Variants in SLC35F4 observed in about 807,000 individuals in gnomAD.
The protein encoded by SLC35F4 is chromosome 14 open reading frame 36.
SLC35F4 carries 24 observed loss-of-function variants against 44.2 expected under a neutral mutation model. The observed-to-expected ratio is 0.54, with a 90% confidence interval of 0.39 to 0.76. The LOEUF (loss-of-function observed/expected upper bound fraction) is 0.76. SLC35F4 is among the 30% of genes least tolerant of loss of function. The pLI is 0.00. For synonymous variants in SLC35F4, 238 were observed against 223.6 expected (o/e 1.06, Z -0.57); for missense variants, 562 against 586.1 (o/e 0.96, Z 0.42).
At chr14:57,853,853 C>T (rs35866223) in intron 1 of SLC35F4, among the ~76,000 whole-genome samples, 32,165 of 152,112 alleles carry the variant, frequency 0.21, 4,106 homozygotes, top group Admixed American at 0.29. Context: ...TACCCCTCCC[C>T]TTCAAACCCA....
chr14:57,896,136 ATGAAG>A (rs955692512), intron 1 of SLC35F4, among the ~76,000 whole-genome samples: 1 of 152,178 alleles, frequency 6.6e-6, no homozygotes, highest in African/African-American at 2.4e-5. Context: ...TCTTCTGGCT[ATGAAG>A]TGGAGAAAAA....
intron 1 of SLC35F4, among the ~76,000 whole-genome samples, chr14:57,962,078 C>A: frequency 6.6e-6 from 1 of 152,216 alleles, no homozygotes; most frequent in Non-Finnish European, 1.5e-5. Context: ...TAAGGTTGTG[C>A]AGCTGGAATC....
chr14:57,937,309 C>T (rs1490080161), intron 1 of SLC35F4, among the ~76,000 whole-genome samples: 1 of 152,062 alleles, frequency 6.6e-6, no homozygotes, highest in Admixed American at 6.6e-5. Context: ...CTCAGGTGAT[C>T]CACCTGCCTC....
chr14:57,805,807 A>C (rs749938632), intron 1 of SLC35F4, among the ~76,000 whole-genome samples: 2 of 152,202 alleles, frequency 1.3e-5, no homozygotes, highest in South Asian at 2.1e-4. Flanking sequence ...GTTTGTAAAA[A>C]TTTGCAATCA....
At chr14:57,940,656 T>G (rs1889900916) in intron 1 of SLC35F4, among the ~76,000 whole-genome samples, 1 of 152,192 alleles carries the variant, frequency 6.6e-6, no homozygotes, top group Non-Finnish European at 1.5e-5. Flanking sequence ...TTGCCATCAT[T>G]CAATTTTACC....
chr14:57,786,517 CA>C (rs2077764437), intron 1 of SLC35F4, among the ~76,000 whole-genome samples: 1 of 152,168 alleles, frequency 6.6e-6, no homozygotes. Flanking sequence ...GAGTCCATTG[CA>C]CTCCCTTGTC....
At chr14:57,804,556 T>C (rs1409400644) in intron 1 of SLC35F4, among the ~76,000 whole-genome samples, 2 of 152,198 alleles carry the variant, frequency 1.3e-5, no homozygotes, top group Non-Finnish European at 2.9e-5. Context: ...CTGGAAGAGC[T>C]GGCTGGCCAT....
intron 1 of SLC35F4, among the ~76,000 whole-genome samples, chr14:57,906,875 A>G (rs1271735794): frequency 6.6e-6 from 1 of 152,232 alleles, no homozygotes; most frequent in Non-Finnish European, 1.5e-5. Flanking sequence ...ATGTGTTTCC[A>G]CAGATTTGAG....
intron 1 of SLC35F4, among the ~76,000 whole-genome samples, chr14:57,664,565 T>C (rs904426283): frequency 2.0e-5 from 3 of 152,062 alleles, no homozygotes; most frequent in Non-Finnish European, 4.4e-5. Flanking sequence ...CACACCACAA[T>C]GCCCGGCTAA....
intron 1 of SLC35F4, among the ~76,000 whole-genome samples, chr14:57,747,458 A>G (rs1376491030): frequency 6.6e-6 from 1 of 152,180 alleles, no homozygotes; most frequent in Non-Finnish European, 1.5e-5. Context: ...GAAACATTTC[A>G]AATAGGATGC....
At chr14:57,615,010 TAAG>T (rs2071727118) in intron 1 of SLC35F4, among the ~76,000 whole-genome samples, 1 of 152,210 alleles carries the variant, frequency 6.6e-6, no homozygotes, top group African/African-American at 2.4e-5. Context: ...ATCCATCAAA[TAAG>T]AAAGTAGGAC....
At chr14:57,728,373 T>C in intron 1 of SLC35F4, among the ~76,000 whole-genome samples, 1 of 151,916 alleles carries the variant, frequency 6.6e-6, no homozygotes, top group Non-Finnish European at 1.5e-5. Flanking sequence ...TATTTTGTTT[T>C]ACTGCATGCT....
At chr14:57,726,980 T>C (rs546048706) in intron 1 of SLC35F4, among the ~76,000 whole-genome samples, 1 of 152,282 alleles carries the variant, frequency 6.6e-6, no homozygotes, top group South Asian at 2.1e-4. Flanking sequence ...TCTCCCGTGC[T>C]GGATGCTTCC....
chr14:57,566,752 C>A (rs2068228075), intron 6 of SLC35F4, among the ~76,000 whole-genome samples, 188 bp from the exon 7 acceptor site: 1 of 152,188 alleles, frequency 6.6e-6, no homozygotes, highest in Non-Finnish European at 1.5e-5. Context: ...CTTTCCTCGT[C>A]TGCCACTCTC....
At chr14:57,787,130 C>T (rs570765758) in intron 1 of SLC35F4, among the ~76,000 whole-genome samples, 181 of 152,130 alleles carry the variant, frequency 1.2e-3, no homozygotes, top group Non-Finnish European at 2.2e-3. Context: ...TGGAAAGTCT[C>T]AGCAATAGAA....
At chr14:57,736,213 T>C (rs1457667927) in intron 1 of SLC35F4, among the ~76,000 whole-genome samples, 1 of 152,218 alleles carries the variant, frequency 6.6e-6, no homozygotes, top group Non-Finnish European at 1.5e-5. Flanking sequence ...TGTGGTCCTC[T>C]AAGAGTCGAA....
At chr14:57,720,555 G>T (rs752275145) in intron 1 of SLC35F4, among the ~76,000 whole-genome samples, 1 of 152,034 alleles carries the variant, frequency 6.6e-6, no homozygotes, top group African/African-American at 2.4e-5. Context: ...GGTCAATCTT[G>T]GTAGGTTGTA....
In SLC35F4 at chr14:57,877,674, C is replaced by CTTTTT. The variant is rs139397949; in HGVS notation, n.282+104234_282+104238dup. On this transcript the variant is annotated intron_variant and non_coding_transcript_variant, in intron 1 of 1. Coordinates refer to the SLC35F4 transcript ENST00000556568. ...CTTGCCAGCATCTGTTATTTTTTGA[C>CTTTTT]TTTTTTTTTTTTTTTTTTTTTTTTT... Among the ~76,000 whole-genome samples the CTTTTT allele has an allele frequency of 1.6e-3, 83 of 52,420 alleles. 5 individuals carry two copies. Among genetic ancestry groups the CTTTTT allele is most frequent in the East Asian group, 7.1e-3 (7 of 986 alleles). The allele number at this position is 52,420 out of a possible 152,430, so 34.4% of individuals were successfully genotyped here. A position where few individuals can be genotyped will look rare whatever the true frequency, so the allele number is the denominator to read the frequency against.
chr14:57,674,350 A>G (rs1217766544), intron 1 of SLC35F4, among the ~76,000 whole-genome samples: 1 of 152,138 alleles, frequency 6.6e-6, no homozygotes, highest in Non-Finnish European at 1.5e-5. Context: ...TGACCTACCA[A>G]TTCTACTTCA....
Sources: allele counts gnomAD v4.1 joint callset (sites outside exome capture counted in the v4.1 genomes callset), GRCh38; gene constraint gnomAD v4.1.1; transcripts MANE v1.5; gene names NCBI Gene and HGNC (gene_info 2026-07-23, HGNC 2026-07-21).